PTPRM: variants seen among roughly 807,000 people sequenced by gnomAD.
PTPRM encodes receptor-type tyrosine-protein phosphatase mu.
PTPRM carries 47 observed loss-of-function variants against 186.7 expected under a neutral mutation model. That is an observed-to-expected ratio of 0.25 (90% CI 0.20 to 0.32). PTPRM has a LOEUF of 0.32. PTPRM is among the 10% of genes least tolerant of loss of function. The probability of loss-of-function intolerance (pLI) is 1.00; values close to 1 mark genes in which losing one functional copy is unlikely to be tolerated. For synonymous variants in PTPRM, 668 were observed against 674.9 expected, an observed-to-expected ratio of 0.99 and a Z score of 0.16; for missense variants, 1,494 against 1,865.0, an observed-to-expected ratio of 0.80 and a Z score of 3.66.
At chr18:8,089,766 A>C (rs1291579274) in intron 11 of PTPRM, among the ~76,000 whole-genome samples, 1 of 152,194 alleles carries the variant, frequency 6.6e-6, no homozygotes, top group Admixed American at 6.6e-5. Flanking sequence ...TTTTCACTGC[A>C]GTATCATAAG....
chr18:7,621,428 G>C (rs539608139), intron 1 of PTPRM, among the ~76,000 whole-genome samples: 1 of 152,098 alleles, frequency 6.6e-6, no homozygotes, highest in Admixed American at 6.5e-5. Flanking sequence ...CTCCCACAGA[G>C]TGGTGCATTG....
chr18:7,896,707 G>A (rs971730615), intron 3 of PTPRM, among the ~76,000 whole-genome samples: 9 of 152,146 alleles, frequency 5.9e-5, no homozygotes. Flanking sequence ...AGAAGATTAG[G>A]TGTGGATTCA....
intron 13 of PTPRM, among the ~76,000 whole-genome samples, chr18:8,136,700 G>T (rs746560608): frequency 2.6e-5 from 4 of 152,102 alleles, no homozygotes; most frequent in African/African-American, 9.7e-5. Flanking sequence ...GATTGACTTC[G>T]CATTCCCAGG....
intron 14 of PTPRM, among the ~76,000 whole-genome samples, chr18:8,146,472 A>G (rs1250687270): frequency 6.8e-6 from 1 of 147,974 alleles, no homozygotes; most frequent in Non-Finnish European, 1.5e-5. Context: ...GTGTCTGTTC[A>G]TATCCTTTGC....
At chr18:8,255,357 A>G (rs889150259) in intron 19 of PTPRM, among the ~76,000 whole-genome samples, 2 of 152,212 alleles carry the variant, frequency 1.3e-5, no homozygotes, top group African/African-American at 2.4e-5. Context: ...CCTACTTCCT[A>G]TAACATGCTA....
At chr18:7,941,795 C>T (rs73381829) in intron 5 of PTPRM, among the ~76,000 whole-genome samples, 2,866 of 152,302 alleles carry the variant, frequency 0.019, 48 homozygotes, top group African/African-American at 0.039. Flanking sequence ...CTCCTTGTGT[C>T]CACAGAGCTA....
In PTPRM at chr18:7,922,798, TA is replaced by T. The variant is rs1555647229; in HGVS notation, c.548-3762del. Among the ~76,000 whole-genome samples the T allele has an allele frequency of 6.9e-4, 105 of 151,940 alleles. 1 individual carries two copies. Among genetic ancestry groups the T allele is most frequent in the Admixed American group, 3.5e-3 (54 of 15,276 alleles). On this transcript the variant is annotated intron_variant, in intron 4 of 32. Transcript: ENST00000580170. ...TAGTAATTTCTAATAGTTTAACTTA[TA>T]AAAAAAAGGTTTTAATTATGAAAAC...
rs72899404 is a variant in PTPRM at position 7,807,419 on chromosome 18, G to C, written c.196+33148G>C. ...TGGTTGCTTTAAATTAAAAACAGCT[G>C]ATACGCATAGGTTTTTAAGAAGCTT... On this transcript the variant is annotated intron_variant, in intron 2 of 32. Transcript: ENST00000580170. Among the ~76,000 whole-genome samples, 1,058 of 152,326 alleles carry C rather than the reference G, an allele frequency of 6.9e-3. 5 individuals carry two copies. The highest frequency in any genetic ancestry group is 0.01 in the Non-Finnish European group (688 of 68,028).
At chr18:7,780,158 G>C (rs1044242082) in intron 2 of PTPRM, among the ~76,000 whole-genome samples, 7 of 152,150 alleles carry the variant, frequency 4.6e-5, no homozygotes, top group Non-Finnish European at 7.4e-5. Flanking sequence ...GTCTGCCTTA[G>C]AAAACAAAGT....
At chr18:8,148,068 G>T (rs1036152125) in intron 14 of PTPRM, among the ~76,000 whole-genome samples, 2 of 152,066 alleles carry the variant, frequency 1.3e-5, no homozygotes, top group Non-Finnish European at 1.5e-5. Context: ...GAGGATTTTC[G>T]CATCGAAGTT....
intron 1 of PTPRM, among the ~76,000 whole-genome samples, chr18:7,612,611 G>A (rs1228307741): frequency 6.6e-6 from 1 of 152,004 alleles, no homozygotes; most frequent in African/African-American, 2.4e-5. Flanking sequence ...TTAATGTTTG[G>A]ACTAAGTCAT....
chr18:7,710,692 T>A (rs2040193465), intron 1 of PTPRM, among the ~76,000 whole-genome samples: 1 of 152,156 alleles, frequency 6.6e-6, no homozygotes, highest in South Asian at 2.1e-4. Context: ...ACAAATTCAG[T>A]AAAATTTCTG....
intron 7 of PTPRM, among the ~76,000 whole-genome samples, chr18:7,984,939 A>T (rs1169436938): frequency 2.2e-5 from 1 of 45,472 alleles, no homozygotes; most frequent in African/African-American, 8.1e-5. Context: ...AAATATATAC[A>T]TATATATACA....
At chr18:7,851,509 C>T (rs2046857116) in intron 2 of PTPRM, among the ~76,000 whole-genome samples, 1 of 152,064 alleles carries the variant, frequency 6.6e-6, no homozygotes, top group Non-Finnish European at 1.5e-5. Flanking sequence ...AGCCTCTCAG[C>T]AGAAATAATG....
chr18:8,219,848 G>A (rs1409893871), intron 14 of PTPRM, among the ~76,000 whole-genome samples: 4 of 152,192 alleles, frequency 2.6e-5, no homozygotes, highest in African/African-American at 9.7e-5. Context: ...TTGCAGGCAT[G>A]ACTTAACCCT....
intron 1 of PTPRM, among the ~76,000 whole-genome samples, chr18:7,623,561 A>G (rs1389361627): frequency 6.6e-6 from 1 of 152,164 alleles, no homozygotes; most frequent in Non-Finnish European, 1.5e-5. Context: ...ATGATTTTTA[A>G]TAGCTGCATG....
intron 23 of PTPRM, among the ~76,000 whole-genome samples, chr18:8,358,766 C>T (rs1433907167): frequency 6.6e-6 from 1 of 152,126 alleles, no homozygotes. Flanking sequence ...TGAGCAGAAC[C>T]CCGAAAGGCT....
chr18:7,984,153 G>T (rs1169191287), intron 7 of PTPRM, among the ~76,000 whole-genome samples: 2 of 152,160 alleles, frequency 1.3e-5, no homozygotes, highest in Admixed American at 6.6e-5. Flanking sequence ...AGCAAGGGCA[G>T]TGATGACTGC....
chr18:8,187,231 T>C (rs1388688743), intron 14 of PTPRM, among the ~76,000 whole-genome samples: 1 of 152,152 alleles, frequency 6.6e-6, no homozygotes, highest in Non-Finnish European at 1.5e-5. Flanking sequence ...TGAGCCACCA[T>C]GCCCAACCAA....
Sources: allele counts gnomAD v4.1 joint callset (sites outside exome capture counted in the v4.1 genomes callset), GRCh38; gene constraint gnomAD v4.1.1; transcripts MANE v1.5; gene names NCBI Gene and HGNC (gene_info 2026-07-23, HGNC 2026-07-21).